Variants in NTM observed in about 807,000 individuals in gnomAD.
The protein encoded by NTM is neurotrimin, also known as IgLON family member 2.
NTM carries 13 observed loss-of-function variants against 42.1 expected under a neutral mutation model. That is an observed-to-expected ratio of 0.31 (90% CI 0.20 to 0.49). The LOEUF is 0.49. NTM is among the 20% of genes least tolerant of loss of function. The pLI, the probability that NTM is intolerant of heterozygous loss-of-function variation, is 0.99. For synonymous variants in NTM, 187 were observed against 179.2 expected, an observed-to-expected ratio of 1.04 and a Z score of -0.35; for missense variants, 373 against 452.8, an observed-to-expected ratio of 0.82 and a Z score of 1.60.
intron 1 of NTM, among the ~76,000 whole-genome samples, chr11:131,401,873 C>A (rs1358940936): frequency 9.9e-5 from 8 of 80,404 alleles, no homozygotes; most frequent in African/African-American, 2.0e-4. Flanking sequence ...TTAATTTAAA[C>A]TAGGACCTTC....
intron 1 of NTM, among the ~76,000 whole-genome samples, chr11:131,804,983 T>G (rs2092398364): frequency 6.6e-6 from 1 of 152,158 alleles, no homozygotes. Context: ...ACATCAGGCA[T>G]TAAACCTGCT....
chr11:132,212,236 T>C, intron 4 of NTM, 89 bp downstream of exon 4: 4 of 1,010,832 alleles, frequency 4.0e-6, no homozygotes, highest in Non-Finnish European at 5.9e-6. Flanking sequence ...TGATACCTAC[T>C]CCAGAGGAGT....
chr11:131,552,607 A>G (rs1458301695), intron 1 of NTM, among the ~76,000 whole-genome samples: 2 of 151,922 alleles, frequency 1.3e-5, no homozygotes, highest in Non-Finnish European at 2.9e-5. Context: ...TGAGGTCAGG[A>G]GATCGAGACC....
chr11:132,018,494 G>C (rs1157884293), intron 2 of NTM, among the ~76,000 whole-genome samples: 2 of 151,716 alleles, frequency 1.3e-5, no homozygotes, highest in Admixed American at 1.3e-4. Context: ...ATGATCATGT[G>C]GCTTTAAAAA....
chr11:131,866,293 AAAAC>A (rs1157899707), intron 1 of NTM, among the ~76,000 whole-genome samples: 2 of 151,416 alleles, frequency 1.3e-5, no homozygotes, highest in Non-Finnish European at 2.9e-5. Flanking sequence ...GAATAAATAA[AAAAC>A]AAAGCAAAGA....
At chr11:131,890,158 C>CTCTCTCTCTA (rs2051071424) in intron 1 of NTM, among the ~76,000 whole-genome samples, 2 of 58,814 alleles carry the variant, frequency 3.4e-5, no homozygotes, top group African/African-American at 7.0e-5. Context: ...CTCTCTCTGT[C>CTCTCTCTCTA]TCTCTCTCTC....
intron 1 of NTM, among the ~76,000 whole-genome samples, chr11:131,439,260 G>A (rs1053475451): frequency 6.6e-6 from 1 of 152,230 alleles, no homozygotes; most frequent in Non-Finnish European, 1.5e-5. Context: ...CTACTCGGGG[G>A]TCAGGGACTC....
At chr11:131,614,326 G>A (rs1040150029) in intron 1 of NTM, among the ~76,000 whole-genome samples, 1 of 152,244 alleles carries the variant, frequency 6.6e-6, no homozygotes, top group African/African-American at 2.4e-5. Flanking sequence ...GCCGTGCAGA[G>A]TTCGGAAGGA....
At chr11:131,655,183 A>G (rs1205965395) in intron 1 of NTM, among the ~76,000 whole-genome samples, 1 of 152,178 alleles carries the variant, frequency 6.6e-6, no homozygotes, top group Non-Finnish European at 1.5e-5. Context: ...TTGGGATACG[A>G]CTTGAGTATG....
At chr11:132,068,057 C>G (rs1000426378) in intron 2 of NTM, among the ~76,000 whole-genome samples, 1 of 152,208 alleles carries the variant, frequency 6.6e-6, no homozygotes, top group African/African-American at 2.4e-5. Context: ...TCTTTCTGAC[C>G]TATGCTGATA....
At chr11:132,101,937 T>A (rs188726672) in intron 2 of NTM, among the ~76,000 whole-genome samples, 67 of 152,336 alleles carry the variant, frequency 4.4e-4, no homozygotes, top group African/African-American at 1.4e-3. Context: ...CAAAAAGCTT[T>A]CTGTAACCTG....
intron 1 of NTM, among the ~76,000 whole-genome samples, chr11:131,691,544 T>G (rs969166461): frequency 1.4e-5 from 2 of 145,772 alleles, no homozygotes; most frequent in African/African-American, 5.3e-5. Context: ...TCCATCCCCT[T>G]GTCTTCCCTG....
chr11:132,139,085 G>A (rs2068566028), intron 2 of NTM, among the ~76,000 whole-genome samples: 1 of 152,114 alleles, frequency 6.6e-6, no homozygotes, highest in African/African-American at 2.4e-5. Flanking sequence ...TTTATGAATG[G>A]TTGGTCTCCA....
At chr11:131,867,747 T>G (rs2047374406) in intron 1 of NTM, among the ~76,000 whole-genome samples, 1 of 152,164 alleles carries the variant, frequency 6.6e-6, no homozygotes, top group African/African-American at 2.4e-5. Flanking sequence ...TCTGTGTGTA[T>G]GTATATGCCT....
At chr11:131,430,969 G>C (rs182016790) in intron 1 of NTM, among the ~76,000 whole-genome samples, 1 of 152,356 alleles carries the variant, frequency 6.6e-6, no homozygotes, top group Admixed American at 6.5e-5. Context: ...GCTGTCCCCC[G>C]AGGGACTGCC....
At chr11:132,280,631 G>A (rs2093940764) in intron 4 of NTM, among the ~76,000 whole-genome samples, 1 of 151,832 alleles carries the variant, frequency 6.6e-6, no homozygotes, top group Admixed American at 6.6e-5. Flanking sequence ...GATTACAGGT[G>A]CATGCCACCA....
intron 4 of NTM, among the ~76,000 whole-genome samples, chr11:132,303,729 A>C (rs934732483): frequency 2.1e-5 from 3 of 145,896 alleles, no homozygotes; most frequent in East Asian, 4.0e-4. Flanking sequence ...AAAAAAAAAA[A>C]AACAATCTGT....
chr11:131,532,521 T>G (rs1175049364), intron 1 of NTM, among the ~76,000 whole-genome samples: 1 of 152,232 alleles, frequency 6.6e-6, no homozygotes, highest in Admixed American at 6.5e-5. Context: ...AATGCTGCTA[T>G]GAGCACTGGT....
intron 1 of NTM, among the ~76,000 whole-genome samples, chr11:131,377,882 G>T (rs1295507025): frequency 6.6e-6 from 1 of 152,180 alleles, no homozygotes; most frequent in Non-Finnish European, 1.5e-5. Context: ...TCATGAACAA[G>T]AACAGGTAAT....
Sources: allele counts gnomAD v4.1 joint callset (sites outside exome capture counted in the v4.1 genomes callset), GRCh38; gene constraint gnomAD v4.1.1; transcripts MANE v1.5; gene names NCBI Gene and HGNC (gene_info 2026-07-23, HGNC 2026-07-21).